Variants in TMEM108 observed in about 807,000 individuals in gnomAD.
TMEM108 encodes cancer/testis antigen 124.
Under a neutral mutation model 35.1 loss-of-function variants are expected in TMEM108, and 12 were observed. The ratio of observed to expected loss-of-function variants is 0.34; its 90% CI spans 0.22 to 0.55. The LOEUF (loss-of-function observed/expected upper bound fraction) is 0.55. Among genes scored for constraint, TMEM108 ranks in the 20% least tolerant of loss-of-function variants. The pLI is 0.89. For missense variants in TMEM108, 680 were observed against 753.3 expected, an observed-to-expected ratio of 0.90 and a Z score of 1.14; for synonymous variants, 287 against 308.6, an observed-to-expected ratio of 0.93 and a Z score of 0.73.
intron 2 of TMEM108, among the ~76,000 whole-genome samples, chr3:133,139,428 G>T (rs1358383682): frequency 6.6e-6 from 1 of 152,126 alleles, no homozygotes; most frequent in Non-Finnish European, 1.5e-5. Context: ...GTGTTCAGAG[G>T]CCTTGTGTTT....
At chr3:133,041,238 A>G (rs906270390) in intron 1 of TMEM108, among the ~76,000 whole-genome samples, 2 of 152,182 alleles carry the variant, frequency 1.3e-5, no homozygotes, top group Admixed American at 6.5e-5. Context: ...GCCATTCACA[A>G]GATGAAAGCT....
intron 3 of TMEM108, among the ~76,000 whole-genome samples, chr3:133,241,763 C>T (rs570469312): frequency 1.4e-4 from 22 of 151,938 alleles, no homozygotes; most frequent in Admixed American, 5.2e-4. Context: ...TACAGGTGCA[C>T]GCCACCACGC....
At chr3:133,384,499 G>A (rs890403240) in intron 4 of TMEM108, among the ~76,000 whole-genome samples, 1 of 151,290 alleles carries the variant, frequency 6.6e-6, no homozygotes, top group African/African-American at 2.4e-5. Flanking sequence ...GTGTCCCGGG[G>A]CTGAGAAATG....
chr3:133,076,109 A>G (rs9860508), intron 2 of TMEM108, among the ~76,000 whole-genome samples: 60,772 of 151,988 alleles, frequency 0.4, 12,723 homozygotes, highest in Admixed American at 0.48. Flanking sequence ...GGAGGATTTA[A>G]GGGTCTAGAT....
chr3:133,240,932 T>A (rs1305216908), intron 3 of TMEM108, among the ~76,000 whole-genome samples: 3 of 148,832 alleles, frequency 2.0e-5, no homozygotes, highest in African/African-American at 4.9e-5. Context: ...AAATCTTATT[T>A]AAAAAAAAAA....
At chr3:133,291,468 C>T (rs534612409) in intron 3 of TMEM108, among the ~76,000 whole-genome samples, 6 of 152,112 alleles carry the variant, frequency 3.9e-5, no homozygotes, top group African/African-American at 9.6e-5. Flanking sequence ...TGTAGAGACA[C>T]GGTCTCCCTG....
chr3:133,126,965 T>C (rs774466530), intron 2 of TMEM108, among the ~76,000 whole-genome samples: 3 of 152,222 alleles, frequency 2.0e-5, no homozygotes, highest in African/African-American at 7.2e-5. Context: ...GTAGAACCCA[T>C]GGATATGGAG....
intron 2 of TMEM108, among the ~76,000 whole-genome samples, chr3:133,148,173 A>G (rs1272471010): frequency 6.6e-6 from 1 of 152,220 alleles, no homozygotes; most frequent in African/African-American, 2.4e-5. Flanking sequence ...TTCTGATAAA[A>G]TAGCCCAGGG....
At chr3:133,233,661 G>T (rs1330337624) in intron 3 of TMEM108, among the ~76,000 whole-genome samples, 1 of 149,752 alleles carries the variant, frequency 6.7e-6, no homozygotes, top group Non-Finnish European at 1.5e-5. Context: ...CACCAACAGT[G>T]TAAAAGTGTT....
intron 3 of TMEM108, among the ~76,000 whole-genome samples, chr3:133,378,893 A>G (rs899919733): frequency 6.6e-6 from 1 of 151,248 alleles, no homozygotes; most frequent in East Asian, 1.9e-4. Context: ...GAGTTCAGCC[A>G]CATGAATGCC....
intron 2 of TMEM108, among the ~76,000 whole-genome samples, chr3:133,165,194 G>C (rs961051473): frequency 1.3e-5 from 2 of 152,168 alleles, no homozygotes; most frequent in Admixed American, 1.3e-4. Flanking sequence ...AAGAGAAGCA[G>C]AGCAGAGTGG....
At chr3:133,086,911 T>G (rs1414891742) in intron 2 of TMEM108, among the ~76,000 whole-genome samples, 1 of 152,212 alleles carries the variant, frequency 6.6e-6, no homozygotes. Flanking sequence ...ATCAGCATGC[T>G]TTATAGTTTT....
At chr3:133,213,791 T>G (rs1314655577) in intron 2 of TMEM108, among the ~76,000 whole-genome samples, 1 of 152,174 alleles carries the variant, frequency 6.6e-6, no homozygotes. Flanking sequence ...CTGGAGTCAT[T>G]ATTGTGCTTT....
intron 2 of TMEM108, among the ~76,000 whole-genome samples, chr3:133,153,850 C>T (rs1053763328): frequency 2.2e-4 from 34 of 152,050 alleles, no homozygotes; most frequent in Admixed American, 1.7e-3. Flanking sequence ...TAGTGTGTGA[C>T]GTGATTTGAT....
At chr3:133,158,716 T>G (rs1293140339) in intron 2 of TMEM108, among the ~76,000 whole-genome samples, 1 of 152,156 alleles carries the variant, frequency 6.6e-6, no homozygotes, top group Non-Finnish European at 1.5e-5. Flanking sequence ...GAAGGAGCAC[T>G]GTCCATCTTC....
chr3:133,226,515 C>A lies in TMEM108; in HGVS notation c.-46-2751C>A, dbSNP rs746039570. 6.6e-5 allele frequency among the ~76,000 whole-genome samples: 10 copies of A among 152,286 alleles called. No individual in the cohort carries two copies. The Middle Eastern group carries it at 0.01, about 155-fold the overall frequency. Reference sequence around the variant, plus strand: ...ATCTTGTTACTACAAACAATCTGTTCTGTGAGTTCTAAGATCACTGTTTTA... The same window carrying A: ...ATCTTGTTACTACAAACAATCTGTTATGTGAGTTCTAAGATCACTGTTTTA... On this transcript the variant is annotated intron_variant, in intron 2 of 5. Transcript: ENST00000321871.
At chr3:133,136,073 T>G (rs1944561077) in intron 2 of TMEM108, among the ~76,000 whole-genome samples, 1 of 152,226 alleles carries the variant, frequency 6.6e-6, no homozygotes, top group Admixed American at 6.5e-5. Flanking sequence ...GGAATACAGA[T>G]CTGGGTTTCA....
chr3:133,090,164 A>G (rs911203214), intron 2 of TMEM108, among the ~76,000 whole-genome samples: 2 of 152,068 alleles, frequency 1.3e-5, no homozygotes, highest in African/African-American at 4.8e-5. Flanking sequence ...GAGAGAGATC[A>G]TTGTTTTAAA....
intron 4 of TMEM108, among the ~76,000 whole-genome samples, chr3:133,385,797 C>A (rs1479931062): frequency 6.6e-6 from 1 of 152,250 alleles, no homozygotes; most frequent in African/African-American, 2.4e-5. Context: ...GTAGGACTTA[C>A]ACAAGTAACT....
Sources: allele counts gnomAD v4.1 joint callset (sites outside exome capture counted in the v4.1 genomes callset), GRCh38; gene constraint gnomAD v4.1.1; transcripts MANE v1.5; gene names NCBI Gene and HGNC (gene_info 2026-07-23, HGNC 2026-07-21).